HOXC9: variants seen among roughly 807,000 people sequenced by gnomAD.
The protein encoded by HOXC9 is homeobox protein Hox-C9.
A neutral mutation model predicts 20.0 loss-of-function variants in HOXC9; 10 were observed. The ratio of observed to expected loss-of-function variants is 0.50; its 90% CI spans 0.31 to 0.85. The LOEUF (loss-of-function observed/expected upper bound fraction) is 0.85, where lower values mean the gene tolerates loss of function less well. Ranked by LOEUF, HOXC9 falls within the 40% of genes least tolerant of loss-of-function variation. The probability of loss-of-function intolerance (pLI) is 0.05; values close to 1 mark genes in which losing one functional copy is unlikely to be tolerated. For missense variants in HOXC9, 394 were observed against 376.7 expected, an observed-to-expected ratio of 1.05 and a Z score of -0.38; for synonymous variants, 200 against 163.7, an observed-to-expected ratio of 1.22 and a Z score of -1.69.
At position 54,000,561 on chromosome 12, in the gene HOXC9, G is replaced by A. The variant is rs1939711733; in HGVS notation, c.373G>A (p.Gly125Arg). 2.6e-6 allele frequency: 4 copies of A among 1,538,646 alleles called. No individual in the cohort carries two copies. The highest frequency in any genetic ancestry group is 3.5e-6 in the Non-Finnish European group (4 of 1,150,086). ...HYALKPDAYP[G>R]RRADCGPGEG... ...CGCCCTCAAGCCGGACGCCTACCCC[G>A]GGCGCCGCGCGGACTGCGGCCCAGG... The change falls in exon 1 of 2, where the codon GGG (glycine) becomes AGG (arginine). Residue 125 changes from glycine (G) to arginine (R), a missense_variant. Coordinates refer to ENST00000303450, the MANE Select transcript of HOXC9 (RefSeq NM_006897.3).
Position 54,002,657 on chromosome 12 carries a change from G to A in HOXC9, c.766G>A (p.Asp256Asn), listed in dbSNP as rs1411185643. ...GAAAAAGATGAATAAAGAGAAAACC[G>A]ACAAGGAGCAGTCCTAAACCCTACC... Reference protein sequence around the residue: ...KMKKMNKEKTDKEQS With the variant: ...KMKKMNKEKTNKEQS The change falls in exon 2 of 2, where the codon GAC becomes AAC. Residue 256 changes from aspartate to asparagine, a missense_variant. Coordinates refer to ENST00000303450, the MANE Select transcript of HOXC9 (RefSeq NM_006897.3). 30 of 1,613,808 alleles carry A rather than the reference G, an allele frequency of 1.9e-5. No individual in the cohort carries two copies. The highest frequency in any genetic ancestry group is 1.6e-4 in the Middle Eastern group (1 of 6,080).
chr12:54,000,161 A>G lies in HOXC9; in HGVS notation c.-28A>G. On this transcript the variant is annotated 5_prime_UTR_variant, in exon 1 of 2. Coordinates refer to ENST00000303450, the MANE Select transcript of HOXC9 (RefSeq NM_006897.3). The stretch of plus-strand genomic sequence containing the variant: ...AAAGTACATATACAGTTCATACAAT[A>G]ATCTTATGTATGTAAAACCCCGTTA... 6.2e-7 allele frequency: 1 copy of G among 1,607,284 alleles called. No homozygotes were observed.
Position 54,003,297 on chromosome 12 carries a change from A to G in HOXC9, c.*623A>G, listed in dbSNP as rs1190490223. 1 of 152,272 alleles carries G rather than the reference A, an allele frequency of 6.6e-6. No homozygotes were observed. The highest frequency in any genetic ancestry group is 1.5e-5 in the Non-Finnish European group (1 of 68,170). 9.4% of individuals were successfully genotyped at this position (152,272 alleles called of 1,614,324 possible). The stretch of plus-strand genomic sequence containing the variant: ...AACGTGCTTCTGTTTGTTATGGTAG[A>G]ACAGCCCTGTGTTAATATATTGAAG... On this transcript the variant is annotated 3_prime_UTR_variant, in exon 2 of 2. Coordinates refer to ENST00000303450, the MANE Select transcript of HOXC9 (RefSeq NM_006897.3).
Position 54,000,359 on chromosome 12 carries a change from C to G in HOXC9, c.171C>G (p.Pro57=). 1 of 1,613,918 alleles carries G rather than the reference C, an allele frequency of 6.2e-7. No individual in the cohort carries two copies. Among genetic ancestry groups the G allele is most frequent in the Non-Finnish European group, 8.5e-7 (1 of 1,180,042 alleles). The change falls in exon 1 of 2, where the codon CCC becomes CCG. Residue 57 remains proline, a synonymous_variant. Coordinates refer to ENST00000303450, the MANE Select transcript of HOXC9 (RefSeq NM_006897.3). ...ATTTTCCGTCCTGTAGCTTCGCGCC[C>G]AAGCCGGCAGTGTTCAGCACGTCGT... The part of the protein sequence containing the change: ...CSDFPSCSFA[P]KPAVFSTSWA...
At chr12:54,002,346 C>A in intron 1 of HOXC9, 84 bp from the exon 2 acceptor site, 5 of 1,481,746 alleles carry the variant, frequency 3.4e-6, no homozygotes, top group Non-Finnish European at 4.5e-6. Flanking sequence ...ATTTGGGGAG[C>A]CTGGCTAAGT....
chr12:54,002,780 G>C lies in HOXC9; in HGVS notation c.*106G>C. ...GACGAAAAAGAAAAGGAAAGAGCAAGATAGACAAAAGCCAATCAGCTTAAA... is the reference window on the plus strand; with the variant it reads ...GACGAAAAAGAAAAGGAAAGAGCAACATAGACAAAAGCCAATCAGCTTAAA... On this transcript the variant is annotated 3_prime_UTR_variant, in exon 2 of 2. Coordinates refer to ENST00000303450, the MANE Select transcript of HOXC9 (RefSeq NM_006897.3). 6.8e-6 allele frequency: 9 copies of C among 1,324,246 alleles called. No individual in the cohort carries two copies. The highest frequency in any genetic ancestry group is 2.4e-5 in the Admixed American group (1 of 40,880). The allele number at this position is 1,324,246 out of a possible 1,614,324, so 82.0% of individuals were successfully genotyped here.
In HOXC9 at chr12:54,002,459, C is replaced by G. The variant is rs751868749; in HGVS notation, c.568C>G (p.Arg190Gly). Residue 190 changes from arginine to glycine, a missense_variant, in exon 2 of 2, where the codon CGC becomes GGC. Physicochemically the swap from Arg to Gly is moderately radical, Grantham distance 125. Transcript: ENST00000303450. ...CCCCGTGGCCAACTGGATTCACGCCCGCTCCACGAGGAAGAAGCGCTGCCC... is the reference window on the plus strand; with the variant it reads ...CCCCGTGGCCAACTGGATTCACGCCGGCTCCACGAGGAAGAAGCGCTGCCC... ...SNPVANWIHA[R>G]STRKKRCPYT... 9 of 1,614,016 alleles carry G rather than the reference C, an allele frequency of 5.6e-6. No homozygotes were observed. Among genetic ancestry groups the G allele is most frequent in the Non-Finnish European group, 7.6e-6 (9 of 1,179,978 alleles).
At position 54,002,572 on chromosome 12, in the gene HOXC9, G is replaced by T; in HGVS notation, c.681G>T (p.Arg227=). The change falls in exon 2 of 2, where the codon CGG becomes CGT. Residue 227 remains arginine, a synonymous_variant. Coordinates refer to ENST00000303450, the MANE Select transcript of HOXC9 (RefSeq NM_006897.3). The part of the protein sequence containing the change: ...LTRDRRYEVA[R]VLNLTERQVK... ...GGGACCGTCGGTATGAGGTGGCCCG[G>T]GTTCTCAATCTCACCGAGCGGCAGG... is the stretch of plus-strand genomic sequence containing the variant. 6.2e-7 allele frequency: 1 copy of T among 1,614,166 alleles called. No homozygotes were observed. The highest frequency in any genetic ancestry group is 1.6e-4 in the Middle Eastern group (1 of 6,062).
chr12:54,002,705 C>A lies in HOXC9; in HGVS notation c.*31C>A. ...ACCCAGCCTGCTGCCTCAGCACAGC[C>A]AAGGGAAAAACAAAAACCCCACAAA... On this transcript the variant is annotated 3_prime_UTR_variant, in exon 2 of 2. Coordinates refer to ENST00000303450, the MANE Select transcript of HOXC9 (RefSeq NM_006897.3). 6.4e-7 allele frequency: 1 copy of A among 1,572,692 alleles called. No individual in the cohort carries two copies. Among genetic ancestry groups the A allele is most frequent in the Admixed American group, 1.8e-5 (1 of 54,290 alleles).
chr12:54,003,159 G>T lies in HOXC9; in HGVS notation c.*485G>T, dbSNP rs1325558617. On this transcript the variant is annotated 3_prime_UTR_variant, in exon 2 of 2. Coordinates refer to ENST00000303450, the MANE Select transcript of HOXC9 (RefSeq NM_006897.3). ...TGATTCCCAGCCCAGGAGCTGAGGG[G>T]TGAGGGCTGGGGACCATGCCGCGGG... The T allele has an allele frequency of 6.4e-6, 1 of 155,070 alleles. No homozygotes were observed. The highest frequency in any genetic ancestry group is 1.4e-5 in the Non-Finnish European group (1 of 70,020). 9.6% of individuals were successfully genotyped at this position (155,070 alleles called of 1,614,324 possible). A position where few individuals can be genotyped will look rare whatever the true frequency, so the allele number is the denominator to read the frequency against.
At chr12:54,000,818 C>A in intron 1 of HOXC9, 92 bp downstream of exon 1, 1 of 1,204,208 alleles carries the variant, frequency 8.3e-7, no homozygotes, top group African/African-American at 1.6e-5. Context: ...CCGAACCGTG[C>A]AGGGAGCGCG....
chr12:54,002,464 C>A lies in HOXC9; in HGVS notation c.573C>A (p.Ser191=), dbSNP rs1939767266. Residue 191 remains serine, a synonymous_variant, in exon 2 of 2, where the codon TCC becomes TCA. Coordinates refer to ENST00000303450, the MANE Select transcript of HOXC9 (RefSeq NM_006897.3). ...TGGCCAACTGGATTCACGCCCGCTC[C>A]ACGAGGAAGAAGCGCTGCCCCTACA... ...NPVANWIHAR[S]TRKKRCPYTK... 6.2e-7 allele frequency: 1 copy of A among 1,614,138 alleles called. No individual in the cohort carries two copies.
At chr12:54,002,246 G>T (rs907260626) in intron 1 of HOXC9, among the ~76,000 whole-genome samples, 184 bp from the exon 2 acceptor site, 10 of 152,148 alleles carry the variant, frequency 6.6e-5, no homozygotes, top group African/African-American at 1.9e-4. Context: ...AAACTGAAAA[G>T]GGGGAAGCTG....
At position 54,000,446 on chromosome 12, in the gene HOXC9, C is replaced by T. The variant is rs1448085953; in HGVS notation, c.258C>T (p.Leu86=). The T allele has an allele frequency of 1.2e-6, 2 of 1,605,804 alleles. No homozygotes were observed. Among genetic ancestry groups the T allele is most frequent in the East Asian group, 2.2e-5 (1 of 44,864 alleles). Residue 86 remains leucine, a synonymous_variant, in exon 1 of 2, where the codon CTC becomes CTT. Transcript: ENST00000303450. ...ACCCGTACGGCCCCCAGCCCCACCT[C>T]GGCGCCGACACGCGCTACATGCGGA... The part of the protein sequence containing the change: ...VYHPYGPQPH[L]GADTRYMRTW...
chr12:54,002,134 T>A (rs1452789510), intron 1 of HOXC9, among the ~76,000 whole-genome samples: 1 of 152,116 alleles, frequency 6.6e-6, no homozygotes, highest in Non-Finnish European at 1.5e-5. Context: ...GTTGGGAATT[T>A]GGACTTTTTA....
chr12:54,000,872 T>C (rs1158600755), intron 1 of HOXC9, 146 bp downstream of exon 1: 5 of 714,980 alleles, frequency 7.0e-6, no homozygotes, highest in Non-Finnish European at 8.5e-6. Flanking sequence ...GCGAATTACC[T>C]TGGGGAGCTT....
chr12:54,002,388 G>C, intron 1 of HOXC9, 42 bp from the exon 2 acceptor site: 1 of 1,593,874 alleles, frequency 6.3e-7, no homozygotes, highest in East Asian at 2.2e-5. Context: ...TCCTGGGCTG[G>C]AAAGGGGCTC....
chr12:54,002,383 G>A (rs1329387880), intron 1 of HOXC9, 47 bp from the exon 2 acceptor site: 3 of 1,589,678 alleles, frequency 1.9e-6, no homozygotes, highest in Non-Finnish European at 1.7e-6. Flanking sequence ...AGAAGTCCTG[G>A]GCTGGAAAGG....
chr12:54,001,306 G>A (rs1227274660), intron 1 of HOXC9, among the ~76,000 whole-genome samples: 2 of 152,014 alleles, frequency 1.3e-5, no homozygotes, highest in Admixed American at 1.3e-4. Flanking sequence ...AAGAGAAGTG[G>A]GGATAAAAGT....
Sources: allele counts gnomAD v4.1 joint callset (sites outside exome capture counted in the v4.1 genomes callset), GRCh38; gene constraint gnomAD v4.1.1; transcripts MANE v1.5; gene names NCBI Gene and HGNC (gene_info 2026-07-23, HGNC 2026-07-21).